ANKRD44: variants seen among roughly 807,000 people sequenced by gnomAD.
ANKRD44 encodes the protein serine/threonine-protein phosphatase 6 regulatory ankyrin repeat subunit B.
ANKRD44 carries 35 observed loss-of-function variants against 116.0 expected under a neutral mutation model. The ratio of observed to expected loss-of-function variants is 0.30; its 90% confidence interval spans 0.23 to 0.40. The LOEUF (loss-of-function observed/expected upper bound fraction) is 0.40, where lower values mean the gene tolerates loss of function less well. Among genes scored for constraint, ANKRD44 ranks in the 10% least tolerant of loss-of-function variants. ANKRD44 has a pLI of 1.00. For missense variants in ANKRD44, 1,014 were observed against 1,242.6 expected (o/e 0.82, Z 2.77); for synonymous variants, 435 against 461.8 (o/e 0.94, Z 0.74).
At chr2:197,128,423 C>T (rs1222713983) in intron 4 of ANKRD44, among the ~76,000 whole-genome samples, 6 of 152,170 alleles carry the variant, frequency 3.9e-5, no homozygotes, top group African/African-American at 1.4e-4. Context: ...TGTTTGTTGG[C>T]TGCATGAATG....
At chr2:197,008,911 T>C in intron 19 of ANKRD44, 33 bp downstream of exon 19, 1 of 1,601,692 alleles carries the variant, frequency 6.2e-7, no homozygotes. Flanking sequence ...GTGATTGAAA[T>C]GTCAACCCAA....
chr2:197,114,228 T>C (rs1354264258), intron 8 of ANKRD44, among the ~76,000 whole-genome samples: 1 of 152,212 alleles, frequency 6.6e-6, no homozygotes, highest in Admixed American at 6.5e-5. Flanking sequence ...AGAGAGAATA[T>C]GTGCAATTCT....
chr2:196,984,137 G>A (rs1324965351), downstream of ANKRD44, among the ~76,000 whole-genome samples: 2 of 152,198 alleles, frequency 1.3e-5, no homozygotes, highest in African/African-American at 4.8e-5. Context: ...GCAATACATT[G>A]ATGAAGAAAT....
At chr2:197,298,125 T>A (rs564910812) in intron 1 of ANKRD44, among the ~76,000 whole-genome samples, 1 of 152,366 alleles carries the variant, frequency 6.6e-6, no homozygotes, top group East Asian at 1.9e-4. Context: ...ACCTACTTCC[T>A]GTTCAGGTAA....
At chr2:197,210,111 G>C (rs2081292827) in intron 1 of ANKRD44, among the ~76,000 whole-genome samples, 2 of 152,194 alleles carry the variant, frequency 1.3e-5, no homozygotes, top group Non-Finnish European at 2.9e-5. Context: ...CCTTAGTGGA[G>C]AATGTTTACT....
chr2:196,984,805 T>G (rs1299842200), downstream of ANKRD44, among the ~76,000 whole-genome samples: 1 of 152,226 alleles, frequency 6.6e-6, no homozygotes, highest in Non-Finnish European at 1.5e-5. Flanking sequence ...TGTATTAGTA[T>G]GATGTTACAG....
chr2:197,238,313 C>G (rs1402994851), intron 1 of ANKRD44, among the ~76,000 whole-genome samples: 4 of 145,380 alleles, frequency 2.8e-5, no homozygotes, highest in African/African-American at 7.3e-5. Context: ...CATATCACAT[C>G]CTGACACTCT....
chr2:197,144,267 T>C (rs1210342328), intron 3 of ANKRD44, among the ~76,000 whole-genome samples: 1 of 152,178 alleles, frequency 6.6e-6, no homozygotes, highest in African/African-American at 2.4e-5. Context: ...GCTCTGTAGG[T>C]TAATACAACA....
At chr2:197,060,373 C>T (rs1434920663) in intron 16 of ANKRD44, among the ~76,000 whole-genome samples, 1 of 152,202 alleles carries the variant, frequency 6.6e-6, no homozygotes, top group Non-Finnish European at 1.5e-5. Context: ...ACTTACATTC[C>T]TTTCCTTCCC....
chr2:197,210,510 C>A (rs556426893), intron 1 of ANKRD44, among the ~76,000 whole-genome samples: 1 of 152,294 alleles, frequency 6.6e-6, no homozygotes, highest in African/African-American at 2.4e-5. Flanking sequence ...GAGCTGGTTC[C>A]TCTGGGAAAG....
At chr2:197,014,905 T>C in intron 17 of ANKRD44, 1 of 162,066 alleles carries the variant, frequency 6.2e-6, no homozygotes, top group East Asian at 1.7e-4. Flanking sequence ...CCACCCCACC[T>C]CTCCACACAC....
At chr2:197,050,687 C>T (rs1019420100) in intron 16 of ANKRD44, among the ~76,000 whole-genome samples, 2 of 151,778 alleles carry the variant, frequency 1.3e-5, no homozygotes, top group South Asian at 2.1e-4. Flanking sequence ...CCTCCCAAAG[C>T]GCTGGCATTA....
chr2:197,216,350 C>A (rs2081442119), intron 1 of ANKRD44, among the ~76,000 whole-genome samples: 1 of 152,144 alleles, frequency 6.6e-6, no homozygotes. Context: ...ATCCAGTAAT[C>A]CACAAATTTC....
intron 4 of ANKRD44, among the ~76,000 whole-genome samples, chr2:197,128,019 T>G (rs578202388): frequency 6.6e-6 from 1 of 152,236 alleles, no homozygotes; most frequent in African/African-American, 2.4e-5. Context: ...TATGGCTGCA[T>G]AGTATTCCAT....
Position 196,987,118 on chromosome 2 carries a change from T to C in ANKRD44, c.*2473A>G. 1.0e-6 allele frequency: 1 copy of C among 984,202 alleles called. No individual in the cohort carries two copies. The highest frequency in any genetic ancestry group is 1.2e-6 in the Non-Finnish European group (1 of 828,784). The allele number at this position is 984,202 out of a possible 1,614,324, so 61.0% of individuals were successfully genotyped here. On this transcript the variant is annotated 3_prime_UTR_variant, in exon 28 of 28. Transcript: ENST00000282272. ...CATAAGAAACGCATAGAATTACATT[T>C]TATACAAACACTCAGATTGTCACTA...
chr2:197,003,617 T>A (rs1157659980), intron 21 of ANKRD44, among the ~76,000 whole-genome samples: 1 of 152,082 alleles, frequency 6.6e-6, no homozygotes, highest in Non-Finnish European at 1.5e-5. Flanking sequence ...GTGAACGGCT[T>A]AGGAGGAGAC....
At chr2:197,068,144 A>G (rs1305201957) in intron 16 of ANKRD44, among the ~76,000 whole-genome samples, 1 of 116,502 alleles carries the variant, frequency 8.6e-6, no homozygotes, top group African/African-American at 3.3e-5. Context: ...TCTCACTCAT[A>G]GGTGGGAATT....
chr2:197,150,434 A>T (rs1376928023), intron 2 of ANKRD44, among the ~76,000 whole-genome samples: 1 of 152,148 alleles, frequency 6.6e-6, no homozygotes, highest in African/African-American at 2.4e-5. Flanking sequence ...CTGTAGTCCC[A>T]GCTACTTGGG....
intron 1 of ANKRD44, among the ~76,000 whole-genome samples, chr2:197,277,876 C>A (rs1057500294): frequency 1.3e-5 from 2 of 152,116 alleles, no homozygotes; most frequent in African/African-American, 4.8e-5. Context: ...TGGAAAGACT[C>A]AAGGATGAGA....
Sources: allele counts gnomAD v4.1 joint callset (sites outside exome capture counted in the v4.1 genomes callset), GRCh38; gene constraint gnomAD v4.1.1; transcripts MANE v1.5; gene names NCBI Gene and HGNC (gene_info 2026-07-23, HGNC 2026-07-21).